The following PKP4 variants were observed in gnomAD, a reference collection of about 807,000 sequenced individuals.
PKP4 encodes plakophilin 4.
PKP4 carries 90 observed loss-of-function variants against 145.1 expected under a neutral mutation model. The ratio of observed to expected loss-of-function variants is 0.62; its 90% confidence interval spans 0.52 to 0.74. The LOEUF (loss-of-function observed/expected upper bound fraction) is 0.74, where lower values mean the gene tolerates loss of function less well. Ranked by LOEUF, PKP4 falls within the 30% of genes least tolerant of loss-of-function variation. PKP4 has a pLI of 0.00. For synonymous variants in PKP4, 563 were observed against 577.2 expected (o/e 0.98, Z 0.35); for missense variants, 1,340 against 1,482.7 (o/e 0.90, Z 1.58).
At chr2:158,604,321 C>G (rs1415581168) in intron 4 of PKP4, among the ~76,000 whole-genome samples, 3 of 152,058 alleles carry the variant, frequency 2.0e-5, no homozygotes, top group Non-Finnish European at 4.4e-5. Flanking sequence ...CGTGCAAAGT[C>G]TAGAAGGCTG....
intron 2 of PKP4, among the ~76,000 whole-genome samples, chr2:158,574,511 A>G (rs574240226): frequency 6.6e-6 from 1 of 152,348 alleles, no homozygotes; most frequent in South Asian, 2.1e-4. Context: ...TCAGTCAAAG[A>G]GGCCAGTAGA....
At chr2:158,520,107 T>A (rs2105560522) in intron 1 of PKP4, among the ~76,000 whole-genome samples, 1 of 152,332 alleles carries the variant, frequency 6.6e-6, no homozygotes, top group East Asian at 1.9e-4. Context: ...TTCGTGTTTA[T>A]CAAGATAGAA....
chr2:158,549,164 G>T, intron 2 of PKP4: 1 of 196,876 alleles, frequency 5.1e-6, no homozygotes, highest in South Asian at 1.0e-4. Flanking sequence ...CCAAGTCTGT[G>T]GCTTGCTTTG....
intron 15 of PKP4, 93 bp downstream of exon 15, chr2:158,663,538 C>A (rs1002444205): frequency 7.1e-6 from 8 of 1,127,174 alleles, no homozygotes; most frequent in Non-Finnish European, 9.0e-6. Context: ...TCAGATCAGC[C>A]CTGATGGTGA....
chr2:158,614,073 A>G (rs2051374064), intron 4 of PKP4, among the ~76,000 whole-genome samples: 1 of 152,190 alleles, frequency 6.6e-6, no homozygotes, highest in African/African-American at 2.4e-5. Flanking sequence ...TTTCCAAGAC[A>G]TCTGAAAAAT....
At chr2:158,510,405 A>G (rs183205639) in intron 1 of PKP4, among the ~76,000 whole-genome samples, 323 of 152,372 alleles carry the variant, frequency 2.1e-3, no homozygotes, top group African/African-American at 3.2e-3. Flanking sequence ...ATTAAATTTA[A>G]ATCTAAAAAG....
chr2:158,528,506 G>T (rs1386655967), intron 1 of PKP4, among the ~76,000 whole-genome samples: 1 of 112,246 alleles, frequency 8.9e-6, no homozygotes, highest in Non-Finnish European at 1.8e-5. Flanking sequence ...GGGAGGGGGA[G>T]GGGTAGCATT....
At position 158,673,641 on chromosome 2, in the gene PKP4, C is replaced by T. The variant is rs200351784; in HGVS notation, c.2925-36C>T. On this transcript the variant is annotated intron_variant, in intron 17 of 21. Coordinates refer to ENST00000389759, the MANE Select transcript of PKP4 (RefSeq NM_003628.6). Reference sequence around the variant, plus strand: ...CCTCTGAGTGGGGCTGAGGCTGTGTCACCCACATTCATTAATATCCTTGCT... The same window carrying T: ...CCTCTGAGTGGGGCTGAGGCTGTGTTACCCACATTCATTAATATCCTTGCT... 5 of 1,470,918 alleles carry T rather than the reference C, an allele frequency of 3.4e-6. No individual in the cohort carries two copies. In the African/African-American group the frequency reaches 4.2e-5, roughly 12 times the overall value. 91.1% of individuals were successfully genotyped at this position (1,470,918 alleles called of 1,614,324 possible).
At chr2:158,539,200 T>C (rs980307537) in intron 2 of PKP4, among the ~76,000 whole-genome samples, 5 of 152,210 alleles carry the variant, frequency 3.3e-5, no homozygotes, top group Non-Finnish European at 2.9e-5. Context: ...CCAGAGATCC[T>C]TAATTTTTTG....
At chr2:158,516,628 G>GATAGCA (rs1284580762) in intron 1 of PKP4, among the ~76,000 whole-genome samples, 5 of 150,810 alleles carry the variant, frequency 3.3e-5, no homozygotes, top group Non-Finnish European at 7.4e-5. Flanking sequence ...CACTAGGTAA[G>GATAGCA]ATAGCAAGTA....
chr2:158,608,821 T>C (rs1449995478), intron 4 of PKP4, among the ~76,000 whole-genome samples: 5 of 139,472 alleles, frequency 3.6e-5, no homozygotes, highest in Non-Finnish European at 3.1e-5. Context: ...TTTTTTTTTT[T>C]TTTTTTTTTT....
chr2:158,544,121 C>T (rs1400305213), intron 2 of PKP4, among the ~76,000 whole-genome samples: 1 of 152,152 alleles, frequency 6.6e-6, no homozygotes, highest in Non-Finnish European at 1.5e-5. Context: ...GTGCTCTTGC[C>T]AGGGCTTACT....
At chr2:158,570,935 A>G (rs542273448) in intron 2 of PKP4, among the ~76,000 whole-genome samples, 2 of 152,324 alleles carry the variant, frequency 1.3e-5, no homozygotes, top group Admixed American at 1.3e-4. Flanking sequence ...GCATTAGACT[A>G]AAATGAAACA....
chr2:158,521,518 T>A (rs957741601), intron 1 of PKP4, among the ~76,000 whole-genome samples: 1 of 152,350 alleles, frequency 6.6e-6, no homozygotes, highest in East Asian at 1.9e-4. Flanking sequence ...TCTAAACAAA[T>A]TCTTGCCAAG....
chr2:158,508,186 G>A (rs747115701), intron 1 of PKP4, among the ~76,000 whole-genome samples: 2 of 141,946 alleles, frequency 1.4e-5, no homozygotes, highest in Non-Finnish European at 3.1e-5. Context: ...GTGAAACCCC[G>A]TCTCTATTAA....
At chr2:158,608,385 A>G (rs900550635) in intron 4 of PKP4, among the ~76,000 whole-genome samples, 5 of 152,284 alleles carry the variant, frequency 3.3e-5, no homozygotes, top group African/African-American at 1.2e-4. Context: ...TAATAATTAA[A>G]TGTTGTCCAA....
chr2:158,464,937 A>G (rs967615442), intron 1 of PKP4, among the ~76,000 whole-genome samples: 2 of 152,192 alleles, frequency 1.3e-5, no homozygotes, highest in Non-Finnish European at 2.9e-5. Context: ...ATTTAAAACG[A>G]TACTACTTAT....
Position 158,640,508 on chromosome 2 carries a change from AT to A in PKP4, c.1563-114del, listed in dbSNP as rs1256508355. On this transcript the variant is annotated intron_variant, in intron 9 of 21. Coordinates refer to ENST00000389759, the MANE Select transcript of PKP4 (RefSeq NM_003628.6). ...ATTATTTAGGTATGTATTTTTTAGG[AT>A]TTTTGTAACTTCCCATTTTTGTCTC... 6.6e-6 allele frequency: 7 copies of A among 1,058,198 alleles called. No individual in the cohort carries two copies. The African/African-American group carries it at 9.6e-5, about 15-fold the overall frequency. 65.6% of individuals were successfully genotyped at this position (1,058,198 alleles called of 1,614,324 possible). A position where few individuals can be genotyped will look rare whatever the true frequency, so the allele number is the denominator to read the frequency against.
chr2:158,575,323 A>T (rs760431566), intron 2 of PKP4, among the ~76,000 whole-genome samples: 1 of 152,172 alleles, frequency 6.6e-6, no homozygotes, highest in Non-Finnish European at 1.5e-5. Context: ...ACCTGGCATG[A>T]GTGTACTTTC....
Sources: allele counts gnomAD v4.1 joint callset (sites outside exome capture counted in the v4.1 genomes callset), GRCh38; gene constraint gnomAD v4.1.1; transcripts MANE v1.5; gene names NCBI Gene and HGNC (gene_info 2026-07-23, HGNC 2026-07-21).